Variants in TMEM132B observed in about 807,000 individuals in gnomAD.
TMEM132B encodes the protein transmembrane protein 132B.
TMEM132B carries 18 observed loss-of-function variants against 90.8 expected under a neutral mutation model. That is an observed-to-expected ratio of 0.20 (90% confidence interval 0.14 to 0.29). The LOEUF (loss-of-function observed/expected upper bound fraction) is 0.29, where lower values mean the gene tolerates loss of function less well. Among genes scored for constraint, TMEM132B ranks in the 10% least tolerant of loss-of-function variants. The pLI is 1.00. For missense variants in TMEM132B, 1,096 were observed against 1,326.8 expected (o/e 0.83, Z 2.70); for synonymous variants, 504 against 523.3 (o/e 0.96, Z 0.50).
Position 125,653,775 on chromosome 12 carries a change from C to G in TMEM132B, c.2317C>G (p.Pro773Ala), listed in dbSNP as rs1478926285. The change falls in exon 9 of 9, where the codon CCT becomes GCT. Residue 773 changes from proline (P) to alanine (A), a missense_variant. Physicochemically the swap from Pro to Ala is conservative, Grantham distance 27 (BLOSUM62 -1). Coordinates refer to ENST00000682704, the MANE Select transcript of TMEM132B (RefSeq NM_001366854.1). Reference protein sequence around the residue: ...LIKLEMMISEPCQKTKRKSVL... With the variant: ...LIKLEMMISEACQKTKRKSVL... ...TAAGTTAGAAATGATGATAAGTGAACCTTGTCAGAAGACCAAGAGGAAGAG... is the reference window on the plus strand; with the variant it reads ...TAAGTTAGAAATGATGATAAGTGAAGCTTGTCAGAAGACCAAGAGGAAGAG... 6.2e-7 allele frequency: 1 copy of G among 1,614,126 alleles called. No homozygotes were observed. The highest frequency in any genetic ancestry group is 2.2e-5 in the East Asian group (1 of 44,878).
chr12:125,223,369 T>C (rs1305059296), intron 1 of TMEM132B, among the ~76,000 whole-genome samples: 1 of 152,242 alleles, frequency 6.6e-6, no homozygotes, highest in South Asian at 2.1e-4. Flanking sequence ...TTATTCTTGC[T>C]TTAGTCTAAG....
intron 3 of TMEM132B, among the ~76,000 whole-genome samples, chr12:125,451,998 T>C (rs1881166026): frequency 6.6e-6 from 1 of 152,214 alleles, no homozygotes; most frequent in Admixed American, 6.5e-5. Flanking sequence ...TTTGTGAGGC[T>C]TCTTCCACTT....
chr12:125,419,440 T>C (rs963225370), intron 3 of TMEM132B, among the ~76,000 whole-genome samples: 10 of 152,338 alleles, frequency 6.6e-5, no homozygotes, highest in Non-Finnish European at 1.3e-4. Context: ...AGAGAGCTTG[T>C]GTAGGGGAAC....
At chr12:125,296,693 CCTAA>C (rs1235425065) in intron 1 of TMEM132B, among the ~76,000 whole-genome samples, 2 of 152,230 alleles carry the variant, frequency 1.3e-5, no homozygotes, top group Non-Finnish European at 2.9e-5. Flanking sequence ...GGCGGGGGCT[CCTAA>C]CTGTCACCTG....
At chr12:125,311,396 G>A (rs1355429439) in intron 1 of TMEM132B, among the ~76,000 whole-genome samples, 1 of 152,126 alleles carries the variant, frequency 6.6e-6, no homozygotes, top group East Asian at 1.9e-4. Flanking sequence ...CAGAACACAC[G>A]TGGCAGCTGA....
At chr12:125,617,625 G>A (rs1263118866) in intron 5 of TMEM132B, among the ~76,000 whole-genome samples, 10 of 152,246 alleles carry the variant, frequency 6.6e-5, no homozygotes, top group South Asian at 2.1e-4. Context: ...GATTACAGGC[G>A]TGAGCCACCA....
chr12:125,595,769 CAA>C (rs1248015788), intron 5 of TMEM132B, among the ~76,000 whole-genome samples: 1 of 151,966 alleles, frequency 6.6e-6, no homozygotes, highest in Admixed American at 6.6e-5. Context: ...GTAGTTCTTA[CAA>C]AAGAGTCCAG....
At chr12:125,515,292 ACACT>A (rs1267154125) in intron 3 of TMEM132B, among the ~76,000 whole-genome samples, 1 of 151,564 alleles carries the variant, frequency 6.6e-6, no homozygotes, top group Non-Finnish European at 1.5e-5. Context: ...ATTCTCTCAC[ACACT>A]CATACACACT....
chr12:125,306,496 C>T (rs1875973256), intron 1 of TMEM132B, among the ~76,000 whole-genome samples: 1 of 152,218 alleles, frequency 6.6e-6, no homozygotes, highest in Non-Finnish European at 1.5e-5. Flanking sequence ...CCTCCCACAG[C>T]CTTCCCTACT....
At chr12:125,538,005 G>A (rs1201898071) in intron 4 of TMEM132B, among the ~76,000 whole-genome samples, 1 of 152,164 alleles carries the variant, frequency 6.6e-6, no homozygotes, top group East Asian at 1.9e-4. Flanking sequence ...AGCCAGGCCT[G>A]CTTCCCCCAC....
At chr12:125,631,297 CA>C (rs1348365527) in intron 5 of TMEM132B, among the ~76,000 whole-genome samples, 1 of 151,860 alleles carries the variant, frequency 6.6e-6, no homozygotes, top group East Asian at 1.9e-4. Context: ...GCATAGTTTC[CA>C]AAATTCCTCT....
At chr12:125,563,360 G>A (rs1230902321) in intron 4 of TMEM132B, among the ~76,000 whole-genome samples, 1 of 152,078 alleles carries the variant, frequency 6.6e-6, no homozygotes, top group African/African-American at 2.4e-5. Context: ...TGTAATCCCA[G>A]CACTTTGGGA....
chr12:125,579,020 AATATTGTTTCTTCCTTTT>A (rs1356292352), intron 4 of TMEM132B, among the ~76,000 whole-genome samples: 1 of 152,072 alleles, frequency 6.6e-6, no homozygotes, highest in Non-Finnish European at 1.5e-5. Context: ...TAATTACTCA[AATATTGTTTCTTCCTTTT>A]TCTCTGCCTC....
At chr12:125,352,305 ATTCT>A (rs1877613589) in intron 2 of TMEM132B, among the ~76,000 whole-genome samples, 1 of 152,256 alleles carries the variant, frequency 6.6e-6, no homozygotes, top group Non-Finnish European at 1.5e-5. Flanking sequence ...GCAGTAAATA[ATTCT>A]TTGTTAAAAT....
intron 3 of TMEM132B, among the ~76,000 whole-genome samples, chr12:125,470,810 T>C (rs1403058892): frequency 6.6e-6 from 1 of 152,206 alleles, no homozygotes; most frequent in African/African-American, 2.4e-5. Context: ...TTTGGCTCCT[T>C]TGACACTTTC....
chr12:125,205,413 T>C (rs537717580), intron 1 of TMEM132B, among the ~76,000 whole-genome samples: 1 of 152,274 alleles, frequency 6.6e-6, no homozygotes, highest in East Asian at 1.9e-4. Context: ...AAATATCTCG[T>C]GAATCCTTTC....
At chr12:125,297,141 T>TG (rs71447041) in intron 1 of TMEM132B, among the ~76,000 whole-genome samples, 20 of 152,078 alleles carry the variant, frequency 1.3e-4, no homozygotes, top group Admixed American at 9.8e-4. Flanking sequence ...TGGGTTTCCT[T>TG]GGGGGGGTCC....
At chr12:125,208,837 C>G (rs1873247507) in intron 1 of TMEM132B, among the ~76,000 whole-genome samples, 2 of 152,112 alleles carry the variant, frequency 1.3e-5, no homozygotes, top group South Asian at 4.1e-4. Flanking sequence ...GCTTTGTGTC[C>G]AGGGTCCAAA....
At chr12:125,564,956 G>T (rs149062047) in intron 4 of TMEM132B, among the ~76,000 whole-genome samples, 1 of 152,122 alleles carries the variant, frequency 6.6e-6, no homozygotes, top group Non-Finnish European at 1.5e-5. Context: ...ATGAGTAGGG[G>T]TTTTCCATGA....
Sources: gnomAD v4.1 joint callset for allele counts (sites outside exome capture counted in the v4.1 genomes callset) on GRCh38, gnomAD v4.1.1 for gene constraint, MANE v1.5 for transcripts, NCBI Gene and HGNC (gene_info 2026-07-23, HGNC 2026-07-21) for gene names.